The following ITIH1 variants were observed in gnomAD, a reference collection of about 807,000 sequenced individuals.
ITIH1 encodes the protein inter-alpha-trypsin inhibitor heavy chain 1.
Under a neutral mutation model 104.6 loss-of-function variants are expected in ITIH1, and 94 were observed. The observed-to-expected ratio is 0.90, with a 90% CI of 0.76 to 1.07. The LOEUF is 1.07. Among genes scored for constraint, ITIH1 ranks in the 50% least tolerant of loss-of-function variants. The probability of loss-of-function intolerance (pLI) is 0.00; values close to 1 mark genes in which losing one functional copy is unlikely to be tolerated. For synonymous variants in ITIH1, 455 were observed against 464.4 expected, an observed-to-expected ratio of 0.98 and a Z score of 0.26; for missense variants, 1,193 against 1,181.4, an observed-to-expected ratio of 1.01 and a Z score of -0.14.
intron 2 of ITIH1, 39 bp downstream of exon 2, chr3:52,778,056 C>T (rs1324566983): frequency 6.2e-7 from 1 of 1,611,998 alleles, no homozygotes; most frequent in African/African-American, 1.3e-5. Flanking sequence ...GTGACAGAGC[C>T]CTTTTTACAG....
At position 52,785,108 on chromosome 3, in the gene ITIH1, C is replaced by T. The variant is rs1699167549; in HGVS notation, c.1472C>T (p.Ala491Val). The stretch of plus-strand genomic sequence containing the variant: ...GTGGATTTGCAGTACCCCCAGGATG[C>T]TGTCTTGGCCCTGACCCAGAACCAC... ...VDVDLQYPQD[A>V]VLALTQNHHK... The change falls in exon 12 of 22, where the codon GCT becomes GTT. Residue 491 changes from alanine to valine, a missense_variant. Coordinates refer to ENST00000273283, the MANE Select transcript of ITIH1 (RefSeq NM_002215.4). 1.9e-6 allele frequency: 3 copies of T among 1,614,038 alleles called. No homozygotes were observed. The highest frequency in any genetic ancestry group is 1.3e-5 in the African/African-American group (1 of 74,906).
chr3:52,781,970 C>T lies in ITIH1; in HGVS notation c.718C>T (p.Gln240Ter). 1 of 1,614,188 alleles carries T rather than the reference C, an allele frequency of 6.2e-7. No homozygotes were observed. Among genetic ancestry groups the T allele is most frequent in the Non-Finnish European group, 8.5e-7 (1 of 1,180,038 alleles). ...GHVLFRPTVS[Q>*]QQSCPTCSTS... ...TGTGCTGTTCCGTCCCACCGTGAGC[C>T]AGCAGCAGTCCTGCCCCACATGCTC... The change falls in exon 7 of 22, where the codon CAG (glutamine) becomes TAG (stop). Residue 240 changes from glutamine (Q) to a stop codon, truncating the protein, a stop_gained. Coordinates refer to ENST00000273283, the MANE Select transcript of ITIH1 (RefSeq NM_002215.4). LOFTEE classifies it high-confidence loss of function.
Position 52,786,336 on chromosome 3 carries a change from G to C in ITIH1, c.1635G>C (p.Glu545Asp). ...EFSITCLVDE[E>D]EMKKLLRERG... ...GTATAACCTGCCTAGTGGATGAGGA[G>C]GAGATGAAGAAACTGCTCCGAGAGC... Residue 545 changes from glutamate to aspartate, a missense_variant, in exon 13 of 22, where the codon GAG becomes GAC. Glu to Asp is a conservative substitution (Grantham distance 45, BLOSUM62 2). Coordinates refer to ENST00000273283, the MANE Select transcript of ITIH1 (RefSeq NM_002215.4). 3 of 1,574,154 alleles carry C rather than the reference G, an allele frequency of 1.9e-6. No individual in the cohort carries two copies. The highest frequency in any genetic ancestry group is 8.6e-7 in the Non-Finnish European group (1 of 1,158,742).
rs752902900 is a variant in ITIH1, at chr3:52,786,978, G to A, written c.1767G>A (p.Leu589=). The A allele has an allele frequency of 9.9e-6, 16 of 1,614,060 alleles. No homozygotes were observed. Among genetic ancestry groups the A allele is most frequent in the Middle Eastern group, 1.7e-4 (1 of 6,060 alleles). The change falls in exon 14 of 22, where the codon CTG becomes CTA. Residue 589 remains leucine, a synonymous_variant. Transcript: ENST00000273283. ...TGGACAGGGAGGAGAGGGCCAACCTGTCATCCCAGGCCCTGCAGATGTCGC... is the reference window on the plus strand; with the variant it reads ...TGGACAGGGAGGAGAGGGCCAACCTATCATCCCAGGCCCTGCAGATGTCGC... ...MKVDREERAN[L]SSQALQMSLD...
chr3:52,782,970 TC>T lies in ITIH1; in HGVS notation c.946del (p.Ile318PhefsTer53). On this transcript the variant is annotated frameshift_variant, in exon 9 of 22. Transcript: ENST00000273283. LOFTEE classifies it high-confidence loss of function. ...CTGTCCTTGCAGACCAAGGAGGCAC[TC>T]CTTAAAATTCTGGGGGACATGCAGC... is the stretch of plus-strand genomic sequence containing the variant. ...GQKVKQTKEA[L>X]LKILGDMQPG... is the part of the protein sequence containing the mutation. 1.2e-6 allele frequency: 2 copies of T among 1,614,014 alleles called. No individual in the cohort carries two copies. Among genetic ancestry groups the T allele is most frequent in the Non-Finnish European group, 1.7e-6 (2 of 1,179,950 alleles).
At chr3:52,778,772 T>G (rs1442696781) in intron 3 of ITIH1, 170 bp from the exon 4 acceptor site, 2 of 1,182,802 alleles carry the variant, frequency 1.7e-6, no homozygotes, top group East Asian at 2.6e-5. Context: ...CTTGCTGGCC[T>G]CTGACCTGGG....
chr3:52,785,288 C>A, intron 12 of ITIH1, 59 bp downstream of exon 12: 2 of 1,533,942 alleles, frequency 1.3e-6, no homozygotes, highest in South Asian at 1.1e-5. Flanking sequence ...GCTCCAAACC[C>A]ACACTGTTCC....
At chr3:52,778,141 A>G in intron 2 of ITIH1, 124 bp downstream of exon 2, 1 of 1,226,478 alleles carries the variant, frequency 8.2e-7, no homozygotes, top group Non-Finnish European at 1.2e-6. Flanking sequence ...CCAGGGTCCT[A>G]GAAATGGGGA....
At chr3:52,790,482 C>G (rs1402168915) in intron 19 of ITIH1, 2 of 412,602 alleles carry the variant, frequency 4.8e-6, no homozygotes, top group Middle Eastern at 6.5e-4. Flanking sequence ...GTTACTTAAC[C>G]TCTCTGAGCC....
intron 11 of ITIH1, among the ~76,000 whole-genome samples, chr3:52,784,686 C>G (rs1183777475): frequency 6.6e-6 from 1 of 152,104 alleles, no homozygotes; most frequent in Non-Finnish European, 1.5e-5. Context: ...ACCAGCCTGG[C>G]CAACATGGTG....
chr3:52,785,944 T>C (rs1366019110), intron 12 of ITIH1, among the ~76,000 whole-genome samples: 1 of 152,192 alleles, frequency 6.6e-6, no homozygotes, highest in Non-Finnish European at 1.5e-5. Flanking sequence ...GAGGCACATT[T>C]GTGTGCCGTG....
At chr3:52,786,834 T>C (rs1009542507) in intron 13 of ITIH1, 111 bp from the exon 14 acceptor site, 29 of 1,265,302 alleles carry the variant, frequency 2.3e-5, no homozygotes, top group Non-Finnish European at 3.1e-5. Context: ...TTAATACTTA[T>C]GTGTCGAATG....
At chr3:52,781,280 CTTCT>C (rs1699049626) in intron 6 of ITIH1, among the ~76,000 whole-genome samples, 1 of 139,676 alleles carries the variant, frequency 7.2e-6, no homozygotes. Flanking sequence ...TCTTCTTCTT[CTTCT>C]TCCTCTTCTT....
At chr3:52,778,741 C>A in intron 3 of ITIH1, 1 of 1,349,482 alleles carries the variant, frequency 7.4e-7, no homozygotes, top group Non-Finnish European at 9.8e-7. Context: ...CCCAAGGAGC[C>A]AAGGCCAGAG....
chr3:52,783,437 G>A (rs867154121), intron 10 of ITIH1, 98 bp downstream of exon 10: 1 of 1,389,766 alleles, frequency 7.2e-7, no homozygotes, highest in Non-Finnish European at 9.9e-7. Context: ...GATGCCATCA[G>A]GGGGCAGAAA....
intron 6 of ITIH1, among the ~76,000 whole-genome samples, chr3:52,781,212 T>C (rs1559461266): frequency 7.9e-4 from 11 of 13,912 alleles, no homozygotes; most frequent in African/African-American, 2.6e-3. Flanking sequence ...TTTTTTTTTC[T>C]TCTTCTTCTT....
chr3:52,791,521 AT>A lies in ITIH1; in HGVS notation c.2504del (p.Phe835SerfsTer26). On this transcript the variant is annotated frameshift_variant, in exon 21 of 22. Transcript: ENST00000273283. LOFTEE classifies it high-confidence loss of function. Reference protein sequence around the residue: ...SARTHGLLGQFFHPIGFEVSD... With the variant: ...SARTHGLLGQXFHPIGFEVSD... ...GTCTCCAATGTGCCTTTCTAGGGCA[AT>A]TTTTCCACCCCATCGGTTTTGAAGT... is the stretch of plus-strand genomic sequence containing the variant. 2 of 1,613,568 alleles carry A rather than the reference AT, an allele frequency of 1.2e-6. No homozygotes were observed. The highest frequency in any genetic ancestry group is 1.7e-6 in the Non-Finnish European group (2 of 1,179,742).
At chr3:52,783,192 G>A (rs373555773) in intron 9 of ITIH1, 22 bp from the exon 10 acceptor site, 2 of 1,614,102 alleles carry the variant, frequency 1.2e-6, no homozygotes, top group African/African-American at 2.7e-5. Flanking sequence ...GCATACACTG[G>A]TCTGCTTTCT....
In ITIH1 at chr3:52,779,662, G is replaced by A. The variant is rs989799491; in HGVS notation, c.573+68G>A. ...GTCACCATGGCTCCCAACACTGGTT[G>A]AGCACCCACCATGTGTCACCACCCA... On this transcript the variant is annotated intron_variant, in intron 5 of 21. Coordinates refer to ENST00000273283, the MANE Select transcript of ITIH1 (RefSeq NM_002215.4). This position sits in a 1 kb window ranked among gnomAD's most constrained non-coding sequence, Gnocchi z 4.4. The A allele has an allele frequency of 2.6e-6, 4 of 1,563,852 alleles. No individual in the cohort carries two copies. The highest frequency in any genetic ancestry group is 3.5e-6 in the Non-Finnish European group (4 of 1,135,160).
Sources: allele counts gnomAD v4.1 joint callset (sites outside exome capture counted in the v4.1 genomes callset), GRCh38; gene constraint gnomAD v4.1.1; non-coding constraint Gnocchi (gnomAD v3.1); transcripts MANE v1.5; gene names NCBI Gene and HGNC (gene_info 2026-07-23, HGNC 2026-07-21).